RBFOX1: variants seen among roughly 807,000 people sequenced by gnomAD.
The protein encoded by RBFOX1 is RNA binding fox-1 homolog 1.
Under a neutral mutation model 57.7 loss-of-function variants are expected in RBFOX1, and 8 were observed. That is an observed-to-expected ratio of 0.14 (90% CI 0.08 to 0.25). The LOEUF (loss-of-function observed/expected upper bound fraction) is 0.25. RBFOX1 is among the 10% of genes least tolerant of loss of function. The probability of loss-of-function intolerance (pLI) is 1.00; values close to 1 mark genes in which losing one functional copy is unlikely to be tolerated. For missense variants in RBFOX1, 611 were observed against 548.5 expected, an observed-to-expected ratio of 1.11 and a Z score of -1.14; for synonymous variants, 326 against 222.4, an observed-to-expected ratio of 1.47 and a Z score of -4.15.
intron 3 of RBFOX1, among the ~76,000 whole-genome samples, chr16:5,615,887 C>G (rs573430365): frequency 6.6e-6 from 1 of 152,164 alleles, no homozygotes; most frequent in Middle Eastern, 3.2e-3. Context: ...ATTTGTGGCA[C>G]CGCTGTTCAG....
At chr16:6,948,236 A>C (rs7200577) in intron 3 of RBFOX1, among the ~76,000 whole-genome samples, 1 of 151,710 alleles carries the variant, frequency 6.6e-6, no homozygotes, top group African/African-American at 2.4e-5. Context: ...ATTCAAGACC[A>C]GCCTGGGCAA....
intron 4 of RBFOX1, among the ~76,000 whole-genome samples, chr16:7,333,384 T>C (rs1209092287): frequency 6.6e-6 from 1 of 152,208 alleles, no homozygotes; most frequent in Non-Finnish European, 1.5e-5. Flanking sequence ...TTGCTCTCCT[T>C]CTCAGCTTTC....
rs918333168 is a variant in RBFOX1 at position 6,170,006 on chromosome 16, C to T, written c.-126-146989C>T. ...CTGGTCTCAAATGCCTGACCTTAAG[C>T]GATCCACCCACTTCGGCCTCCCAAA... On this transcript the variant is annotated intron_variant, in intron 1 of 15. Transcript: ENST00000550418. Among the ~76,000 whole-genome samples, 6 of 152,166 alleles carry T rather than the reference C, an allele frequency of 3.9e-5. No individual in the cohort carries two copies. The East Asian group carries it at 7.7e-4, about 20-fold the overall frequency.
At chr16:7,470,492 G>A (rs1373834233) in intron 4 of RBFOX1, among the ~76,000 whole-genome samples, 1 of 152,040 alleles carries the variant, frequency 6.6e-6, no homozygotes. Flanking sequence ...TAGTTGAATG[G>A]ATGGAAGAAT....
At chr16:6,208,782 C>A (rs551806388) in intron 1 of RBFOX1, among the ~76,000 whole-genome samples, 11 of 152,238 alleles carry the variant, frequency 7.2e-5, no homozygotes, top group Admixed American at 6.5e-4. Flanking sequence ...CACTGCATTC[C>A]CTTCCTATCA....
chr16:6,816,308 C>T (rs1179519300), intron 3 of RBFOX1, among the ~76,000 whole-genome samples: 1 of 152,104 alleles, frequency 6.6e-6, no homozygotes, highest in Admixed American at 6.6e-5. Context: ...GACCTTGTTG[C>T]AATCAATCAT....
At chr16:5,680,414 C>T (rs1282710140) in intron 3 of RBFOX1, among the ~76,000 whole-genome samples, 4 of 152,142 alleles carry the variant, frequency 2.6e-5, no homozygotes, top group Admixed American at 1.3e-4. Flanking sequence ...GGGGCTGAGG[C>T]AGGCACATAT....
At chr16:5,833,924 G>A (rs1160390746) in intron 3 of RBFOX1, among the ~76,000 whole-genome samples, 1 of 152,162 alleles carries the variant, frequency 6.6e-6, no homozygotes, top group African/African-American at 2.4e-5. Context: ...GGGTGGAAGA[G>A]GATGACACTT....
chr16:5,532,309 A>G (rs577198936), intron 2 of RBFOX1, among the ~76,000 whole-genome samples: 160 of 152,332 alleles, frequency 1.1e-3, no homozygotes, highest in Non-Finnish European at 4.0e-4. Flanking sequence ...GGGGAGCAAC[A>G]TCGCCATCAC....
chr16:5,751,262 G>A (rs913656638), intron 3 of RBFOX1, among the ~76,000 whole-genome samples: 1 of 152,150 alleles, frequency 6.6e-6, no homozygotes, highest in Admixed American at 6.5e-5. Flanking sequence ...TTTCTTCTCA[G>A]CTCTAAACTT....
intron 2 of RBFOX1, among the ~76,000 whole-genome samples, chr16:6,615,305 C>T (rs1430220313): frequency 3.3e-5 from 5 of 152,182 alleles, no homozygotes; most frequent in Non-Finnish European, 5.9e-5. Context: ...TTAAGATCCT[C>T]ATGCCAGTAA....
At chr16:7,560,734 T>C (rs765783964) in intron 5 of RBFOX1, among the ~76,000 whole-genome samples, 4 of 152,086 alleles carry the variant, frequency 2.6e-5, no homozygotes, top group African/African-American at 4.8e-5. Flanking sequence ...CCGCTTCTCA[T>C]TGGAGCCACA....
chr16:7,431,052 T>C (rs2098674568), intron 4 of RBFOX1, among the ~76,000 whole-genome samples: 1 of 152,176 alleles, frequency 6.6e-6, no homozygotes, highest in Admixed American at 6.5e-5. Flanking sequence ...GTCCTCTGGC[T>C]TTCTACTAAG....
At chr16:5,294,148 G>A (rs2063603783) in intron 1 of RBFOX1, among the ~76,000 whole-genome samples, 1 of 152,204 alleles carries the variant, frequency 6.6e-6, no homozygotes, top group African/African-American at 2.4e-5. Context: ...AAAATGGGTT[G>A]AACCTGGGAG....
chr16:6,798,114 A>G (rs546171768), intron 3 of RBFOX1, among the ~76,000 whole-genome samples: 2 of 152,234 alleles, frequency 1.3e-5, no homozygotes, highest in South Asian at 4.2e-4. Flanking sequence ...AGCATCTAGC[A>G]CGCATTTAAT....
chr16:6,343,898 A>C (rs185186845), intron 2 of RBFOX1, among the ~76,000 whole-genome samples: 14 of 152,294 alleles, frequency 9.2e-5, no homozygotes, highest in South Asian at 8.3e-4. Context: ...ATTAAAGATG[A>C]TGCTTCTCAT....
chr16:6,595,243 G>A (rs2097765739), intron 2 of RBFOX1, among the ~76,000 whole-genome samples: 1 of 152,154 alleles, frequency 6.6e-6, no homozygotes. Context: ...GCCCTACACA[G>A]CCAGCATTCT....
intron 1 of RBFOX1, among the ~76,000 whole-genome samples, chr16:5,441,733 A>G (rs2151540808): frequency 6.6e-6 from 1 of 152,258 alleles, no homozygotes; most frequent in African/African-American, 2.4e-5. Context: ...CAATCATGGC[A>G]GAAGGGGCAG....
chr16:7,145,934 G>A (rs2074879532), intron 4 of RBFOX1, among the ~76,000 whole-genome samples: 1 of 152,090 alleles, frequency 6.6e-6, no homozygotes, highest in East Asian at 1.9e-4. Context: ...TAGCCGTAGT[G>A]GACAGGTGCA....
Sources: allele counts gnomAD v4.1 joint callset (sites outside exome capture counted in the v4.1 genomes callset), GRCh38; gene constraint gnomAD v4.1.1; transcripts MANE v1.5; gene names NCBI Gene and HGNC (gene_info 2026-07-23, HGNC 2026-07-21).